Variants in KIF2A observed in about 807,000 individuals in gnomAD.
KIF2A encodes the protein kinesin-like protein KIF2A.
Under a neutral mutation model 100.2 loss-of-function variants are expected in KIF2A, and 22 were observed. That is an observed-to-expected ratio of 0.22 (90% CI 0.16 to 0.31). The LOEUF (loss-of-function observed/expected upper bound fraction) is 0.31, where lower values mean the gene tolerates loss of function less well. Among genes scored for constraint, KIF2A ranks in the 10% least tolerant of loss-of-function variants. The pLI, the probability that KIF2A is intolerant of heterozygous loss-of-function variation, is 1.00. For synonymous variants in KIF2A, 268 were observed against 285.9 expected, an observed-to-expected ratio of 0.94 and a Z score of 0.63; for missense variants, 495 against 898.7, an observed-to-expected ratio of 0.55 and a Z score of 5.74.
intron 1 of KIF2A, among the ~76,000 whole-genome samples, chr5:62,316,563 A>T (rs1309462454): frequency 6.6e-6 from 1 of 152,254 alleles, no homozygotes. Context: ...ATTATTCTGT[A>T]TGATACTATA....
chr5:62,321,619 A>G (rs1746094227), intron 1 of KIF2A, among the ~76,000 whole-genome samples: 2 of 152,042 alleles, frequency 1.3e-5, no homozygotes, highest in African/African-American at 2.4e-5. Flanking sequence ...CTGGAGTGCA[A>G]TGGTGTGATG....
chr5:62,362,402 A>G (rs370352427), intron 11 of KIF2A, 48 bp from the exon 12 acceptor site: 1 of 920,082 alleles, frequency 1.1e-6, no homozygotes, highest in Non-Finnish European at 1.5e-6. Flanking sequence ...GTTGCTTTTT[A>G]AAAATATTTG....
chr5:62,323,965 T>C (rs966768160), intron 1 of KIF2A, among the ~76,000 whole-genome samples: 5 of 152,078 alleles, frequency 3.3e-5, no homozygotes, highest in African/African-American at 7.2e-5. Flanking sequence ...GCCCCAGAGG[T>C]TGAGGCTGCA....
chr5:62,355,176 C>T lies in KIF2A; in HGVS notation c.576C>T (p.Asn192=), dbSNP rs569418515. The T allele has an allele frequency of 1.9e-6, 3 of 1,578,888 alleles. No individual in the cohort carries two copies. In the South Asian group the frequency reaches 3.4e-5, roughly 18 times the overall value. The stretch of plus-strand genomic sequence containing the variant: ...TCTAATAGGACGTTGATGCTACAAA[C>T]CCAAATTATGAAATTATGTGTATGA... ...EKRAQDVDAT[N]PNYEIMCMIR... is the part of the protein sequence containing the mutation. Residue 192 remains asparagine, a synonymous_variant, in exon 7 of 21, where the codon AAC becomes AAT. Transcript: ENST00000407818.
chr5:62,310,608 A>G (rs1456256312), intron 1 of KIF2A, among the ~76,000 whole-genome samples: 3 of 150,892 alleles, frequency 2.0e-5, no homozygotes, highest in African/African-American at 7.5e-5. Flanking sequence ...GTTAGTCAGG[A>G]ACTACAGCGT....
chr5:62,346,762 AT>A (rs1368670165), intron 1 of KIF2A, among the ~76,000 whole-genome samples: 4 of 152,110 alleles, frequency 2.6e-5, no homozygotes, highest in African/African-American at 4.8e-5. Flanking sequence ...TGCTTTATAC[AT>A]TTTTGTTCTT....
At chr5:62,377,996 T>C (rs867039687) in intron 19 of KIF2A, among the ~76,000 whole-genome samples, 14 of 152,216 alleles carry the variant, frequency 9.2e-5, no homozygotes, top group African/African-American at 2.9e-4. Flanking sequence ...GTCCCCCTTA[T>C]TGGTTTTTGT....
intron 18 of KIF2A, among the ~76,000 whole-genome samples, chr5:62,377,356 G>A (rs1048059510): frequency 6.6e-6 from 1 of 152,126 alleles, no homozygotes; most frequent in Non-Finnish European, 1.5e-5. Context: ...TGCAATAACT[G>A]TATTTTTGAA....
At chr5:62,335,792 CT>C (rs1746914138) in intron 1 of KIF2A, among the ~76,000 whole-genome samples, 1 of 151,988 alleles carries the variant, frequency 6.6e-6, no homozygotes, top group Non-Finnish European at 1.5e-5. Context: ...CACTTTACCC[CT>C]AACAGATGAC....
chr5:62,326,281 G>C (rs1746375855), intron 1 of KIF2A, among the ~76,000 whole-genome samples: 1 of 152,020 alleles, frequency 6.6e-6, no homozygotes, highest in African/African-American at 2.4e-5. Flanking sequence ...TATTCTGTCT[G>C]TTGGTTAGTG....
chr5:62,370,141 T>C (rs1018966929), intron 16 of KIF2A, among the ~76,000 whole-genome samples: 1 of 152,216 alleles, frequency 6.6e-6, no homozygotes, highest in Non-Finnish European at 1.5e-5. Flanking sequence ...TAGACAGATG[T>C]GAAAGCAATG....
intron 1 of KIF2A, among the ~76,000 whole-genome samples, chr5:62,343,091 C>G (rs906919255): frequency 6.6e-6 from 1 of 152,134 alleles, no homozygotes; most frequent in African/African-American, 2.4e-5. Context: ...CTTTCCTCCC[C>G]CTTTTATCTT....
chr5:62,363,948 A>G, intron 14 of KIF2A, 49 bp downstream of exon 14: 1 of 1,451,948 alleles, frequency 6.9e-7, no homozygotes, highest in Non-Finnish European at 9.3e-7. Context: ...TTTGACTTTA[A>G]TTTTCTTTAC....
rs115669109 is a variant in KIF2A at position 62,380,474 on chromosome 5, G to C, written c.2014-644G>C. 5.2e-3 allele frequency among the ~76,000 whole-genome samples: 796 copies of C among 152,198 alleles called. 10 individuals carry two copies. Among genetic ancestry groups the C allele is most frequent in the African/African-American group, 0.018 (750 of 41,530 alleles). The stretch of plus-strand genomic sequence containing the variant: ...GCCCATCTTTCATGTGTTTGTGTTA[G>C]ATTTTGAGGACATACAGTTGACCCT... On this transcript the variant is annotated intron_variant, in intron 19 of 20. Transcript: ENST00000407818.
intron 20 of KIF2A, among the ~76,000 whole-genome samples, chr5:62,381,924 G>A (rs1421604541): frequency 1.3e-5 from 2 of 152,220 alleles, no homozygotes; most frequent in Admixed American, 1.3e-4. Context: ...CCTTACTCAT[G>A]AAGGGAAGCA....
chr5:62,345,280 T>G (rs1002824641), intron 1 of KIF2A, among the ~76,000 whole-genome samples: 1 of 151,596 alleles, frequency 6.6e-6, no homozygotes, highest in African/African-American at 2.4e-5. Context: ...CCCAGCTACT[T>G]GGGAGGCTGA....
chr5:62,378,945 A>G (rs1009611444), intron 19 of KIF2A, among the ~76,000 whole-genome samples: 1 of 152,080 alleles, frequency 6.6e-6, no homozygotes. Flanking sequence ...AACTGTTATT[A>G]TGAGACTCTC....
At chr5:62,357,641 G>GT in intron 7 of KIF2A, 50 bp from the exon 8 acceptor site, 1 of 959,884 alleles carries the variant, frequency 1.0e-6, no homozygotes, top group Non-Finnish European at 1.6e-6. Flanking sequence ...ACGTTTTAGT[G>GT]TTTTACATGA....
chr5:62,314,391 G>A (rs1418430564), intron 1 of KIF2A, among the ~76,000 whole-genome samples: 6 of 152,006 alleles, frequency 3.9e-5, no homozygotes, highest in African/African-American at 1.4e-4. Flanking sequence ...TTGAGCCCAG[G>A]AGTTGGAGGC....
Sources: gnomAD v4.1 joint callset for allele counts (sites outside exome capture counted in the v4.1 genomes callset) on GRCh38, gnomAD v4.1.1 for gene constraint, MANE v1.5 for transcripts, NCBI Gene and HGNC (gene_info 2026-07-23, HGNC 2026-07-21) for gene names.